MET: variants seen among roughly 807,000 people sequenced by gnomAD.
MET encodes hepatocyte growth factor receptor.
MET carries 48 observed loss-of-function variants against 133.1 expected under a neutral mutation model. The observed-to-expected ratio is 0.36, with a 90% confidence interval of 0.29 to 0.46. The LOEUF is 0.46. MET is among the 20% of genes least tolerant of loss of function. The pLI is 1.00. For missense variants in MET, 1,442 were observed against 1,695.9 expected, an observed-to-expected ratio of 0.85 and a Z score of 2.63; for synonymous variants, 628 against 616.5, an observed-to-expected ratio of 1.02 and a Z score of -0.28.
chr7:116,744,304 A>C (rs1793576451), intron 5 of MET, among the ~76,000 whole-genome samples: 1 of 152,206 alleles, frequency 6.6e-6, no homozygotes, highest in Non-Finnish European at 1.5e-5. Context: ...AAAAAGCTAG[A>C]GGAATTGCTA....
intron 15 of MET, 69 bp downstream of exon 15, chr7:116,775,180 A>G (rs1245062029): frequency 1.1e-5 from 16 of 1,460,526 alleles, no homozygotes; most frequent in Non-Finnish European, 1.3e-5. Context: ...TGGCCTTTGC[A>G]GATTAGGAAC....
chr7:116,752,307 GCATGAT>G (rs1257573318), intron 5 of MET, among the ~76,000 whole-genome samples: 2 of 152,082 alleles, frequency 1.3e-5, no homozygotes, highest in East Asian at 3.8e-4. Context: ...GGTTTTGAAA[GCATGAT>G]CATTTAAAAT....
At chr7:116,680,233 A>G (rs1302746288) in intron 1 of MET, among the ~76,000 whole-genome samples, 4 of 152,218 alleles carry the variant, frequency 2.6e-5, no homozygotes, top group Admixed American at 2.0e-4. Context: ...ACTTATTTAT[A>G]CAGCTTTGTT....
chr7:116,744,100 TG>T (rs1489541755), intron 5 of MET, among the ~76,000 whole-genome samples: 2 of 152,126 alleles, frequency 1.3e-5, no homozygotes, highest in Non-Finnish European at 2.9e-5. Flanking sequence ...GCAGAAAGGC[TG>T]AAAATTCCAA....
chr7:116,758,361 G>T, intron 8 of MET, 98 bp from the exon 9 acceptor site: 1 of 1,276,660 alleles, frequency 7.8e-7, no homozygotes, highest in South Asian at 1.2e-5. Flanking sequence ...TTCCCACTTA[G>T]GAACCATTGA....
In MET at chr7:116,795,945, G is replaced by A; in HGVS notation, c.3994G>A (p.Glu1332Lys). Residue 1332 changes from glutamate to lysine, a missense_variant, in exon 21 of 21, where the codon GAA becomes AAA. Around this residue, in one of 6 missense-constraint regions of MET, gnomAD observed 94 missense variants for 109.5 expected, o/e 0.86. Coordinates refer to ENST00000397752, the MANE Select transcript of MET (RefSeq NM_000245.4). ...PKAEMRPSFS[E>K]LVSRISAIFS... ...AGCCGAAATGCGCCCATCCTTTTCTGAACTGGTGTCCCGGATATCAGCGAT... is the reference window on the plus strand; with the variant it reads ...AGCCGAAATGCGCCCATCCTTTTCTAAACTGGTGTCCCGGATATCAGCGAT... 1 of 1,614,168 alleles carries A rather than the reference G, an allele frequency of 6.2e-7. No individual in the cohort carries two copies. The highest frequency in any genetic ancestry group is 2.2e-5 in the East Asian group (1 of 44,888).
At chr7:116,704,113 T>C (rs547428537) in intron 2 of MET, among the ~76,000 whole-genome samples, 2 of 152,282 alleles carry the variant, frequency 1.3e-5, no homozygotes, top group Admixed American at 6.5e-5. Context: ...ACCAACCATG[T>C]GACTTCTGCC....
chr7:116,740,202 A>G, intron 4 of MET, 118 bp downstream of exon 4: 1 of 1,155,048 alleles, frequency 8.7e-7, no homozygotes. Flanking sequence ...CCCCTCCTCC[A>G]TTAAGTTCTT....
rs1460733918 is a variant in MET at position 116,728,137 on chromosome 7, G to A, written c.1201-3531G>A. 2.0e-5 allele frequency among the ~76,000 whole-genome samples: 3 copies of A among 152,250 alleles called. No individual in the cohort carries two copies. In the East Asian group the frequency reaches 5.8e-4, roughly 29 times the overall value. Reference sequence around the variant, plus strand: ...ACCTCTTCTGCAGATCTCAGCTATGGAGAAAATGAAAAAGAAAAAGGTTAG... The same window carrying A: ...ACCTCTTCTGCAGATCTCAGCTATGAAGAAAATGAAAAAGAAAAAGGTTAG... On this transcript the variant is annotated intron_variant, in intron 2 of 20. Transcript: ENST00000397752.
At chr7:116,727,458 A>G (rs1190248948) in intron 2 of MET, among the ~76,000 whole-genome samples, 5 of 152,100 alleles carry the variant, frequency 3.3e-5, no homozygotes, top group Non-Finnish European at 7.4e-5. Context: ...TGGGTGCAGG[A>G]AAAAGTTTGA....
Position 116,740,989 on chromosome 7 carries a change from A to C in MET, c.1665A>C (p.Thr555=), listed in dbSNP as rs1554391336. 1 of 1,613,300 alleles carries C rather than the reference A, an allele frequency of 6.2e-7. No homozygotes were observed. Residue 555 remains threonine, a synonymous_variant, in exon 5 of 21, where the codon ACA becomes ACC. Transcript: ENST00000397752. The part of the protein sequence containing the change: ...CVRSEECLSG[T]WTQQICLPAI... Reference sequence around the variant, plus strand: ...GATCGGAGGAATGCCTGAGCGGGACATGGACTCAACAGATCTGTCTGCCTG... The same window carrying C: ...GATCGGAGGAATGCCTGAGCGGGACCTGGACTCAACAGATCTGTCTGCCTG...
chr7:116,777,000 G>A (rs974769116), intron 15 of MET, among the ~76,000 whole-genome samples: 2 of 152,050 alleles, frequency 1.3e-5, no homozygotes, highest in African/African-American at 4.8e-5. Context: ...CTTCATGTGG[G>A]TTAACTTTAT....
chr7:116,717,230 T>A (rs1371678871), intron 2 of MET, among the ~76,000 whole-genome samples: 1 of 152,190 alleles, frequency 6.6e-6, no homozygotes, highest in Non-Finnish European at 1.5e-5. Flanking sequence ...AGCTGACTCT[T>A]CTGTATTTTA....
chr7:116,726,018 CA>C (rs1792736886), intron 2 of MET, among the ~76,000 whole-genome samples: 2 of 147,846 alleles, frequency 1.4e-5, no homozygotes, highest in African/African-American at 5.0e-5. Context: ...GCATGGGTGA[CA>C]GGGGGATACC....
intron 19 of MET, among the ~76,000 whole-genome samples, chr7:116,785,797 T>C (rs1424455189): frequency 6.6e-6 from 1 of 150,856 alleles, no homozygotes; most frequent in Non-Finnish European, 1.5e-5. Context: ...TACCAAGGAA[T>C]TGATAAAAAG....
intron 2 of MET, among the ~76,000 whole-genome samples, chr7:116,715,096 G>A (rs1792141435): frequency 6.6e-6 from 1 of 152,162 alleles, no homozygotes; most frequent in South Asian, 2.1e-4. Flanking sequence ...GTTGCACAAG[G>A]CAGGGATTTA....
chr7:116,744,720 C>A (rs1277559477), intron 5 of MET, among the ~76,000 whole-genome samples: 1 of 152,126 alleles, frequency 6.6e-6, no homozygotes, highest in African/African-American at 2.4e-5. Context: ...AGAAGAGCAA[C>A]ACCAAGACAC....
At chr7:116,789,659 C>T (rs764595037) in intron 19 of MET, among the ~76,000 whole-genome samples, 6 of 152,166 alleles carry the variant, frequency 3.9e-5, no homozygotes, top group Non-Finnish European at 8.8e-5. Flanking sequence ...TGGAATCATG[C>T]AGTCAGTAGT....
chr7:116,779,156 T>C (rs991606505), intron 17 of MET, among the ~76,000 whole-genome samples, 199 bp downstream of exon 17: 2 of 152,234 alleles, frequency 1.3e-5, no homozygotes, highest in Non-Finnish European at 2.9e-5. Context: ...GGAGCAATGA[T>C]TCTTACTTGC....
Sources: allele counts gnomAD v4.1 joint callset (sites outside exome capture counted in the v4.1 genomes callset), GRCh38; gene constraint gnomAD v4.1.1; regional missense constraint gnomAD v4.1.1; transcripts MANE v1.5; gene names NCBI Gene and HGNC (gene_info 2026-07-23, HGNC 2026-07-21).